The following PCGF3 variants were observed in gnomAD, a reference collection of about 807,000 sequenced individuals.
PCGF3 encodes the protein polycomb group ring finger 3.
In PCGF3, 7 loss-of-function variants were observed where a neutral mutation model predicts 33.1. That is an observed-to-expected ratio of 0.21 (90% CI 0.12 to 0.40). PCGF3 has a LOEUF of 0.40. PCGF3 is among the 10% of genes least tolerant of loss of function. The pLI is 1.00. For missense variants in PCGF3, 211 were observed against 313.3 expected, an observed-to-expected ratio of 0.67 and a Z score of 2.46; for synonymous variants, 153 against 121.3, an observed-to-expected ratio of 1.26 and a Z score of -1.72.
At chr4:761,727 A>T in intron 9 of PCGF3, 1 of 985,440 alleles carries the variant, frequency 1.0e-6, no homozygotes, top group Non-Finnish European at 1.2e-6. Context: ...TTAATTTCAC[A>T]AGGGGAGACA....
chr4:750,165 C>T (rs923547540), intron 8 of PCGF3, among the ~76,000 whole-genome samples: 1 of 152,238 alleles, frequency 6.6e-6, no homozygotes, highest in African/African-American at 2.4e-5. Context: ...TCCCTGCGGA[C>T]TTTGATGAAT....
At chr4:754,540 T>C (rs1489840285) in intron 8 of PCGF3, among the ~76,000 whole-genome samples, 1 of 151,938 alleles carries the variant, frequency 6.6e-6, no homozygotes, top group Non-Finnish European at 1.5e-5. Flanking sequence ...ACTGTAGAGG[T>C]GAGGCAGGAG....
chr4:718,514 C>A (rs1201194060), intron 1 of PCGF3, among the ~76,000 whole-genome samples: 3 of 152,236 alleles, frequency 2.0e-5, no homozygotes, highest in African/African-American at 2.4e-5. Context: ...TGATGTGCGC[C>A]TGTAATCCCA....
intron 8 of PCGF3, among the ~76,000 whole-genome samples, chr4:756,533 G>C (rs761340660): frequency 6.6e-6 from 1 of 152,094 alleles, no homozygotes; most frequent in Non-Finnish European, 1.5e-5. Context: ...CTCTAGAGTT[G>C]AACATTCCTT....
intron 6 of PCGF3, among the ~76,000 whole-genome samples, chr4:741,754 A>G (rs939037655): frequency 2.0e-5 from 3 of 152,110 alleles, no homozygotes; most frequent in Non-Finnish European, 2.9e-5. Flanking sequence ...GAGTGCTGCT[A>G]TTTTTAATCC....
chr4:750,883 C>T (rs1397269842), intron 8 of PCGF3, among the ~76,000 whole-genome samples: 1 of 151,968 alleles, frequency 6.6e-6, no homozygotes, highest in Non-Finnish European at 1.5e-5. Context: ...CGCTCTAACC[C>T]CCGATTCTCT....
chr4:736,613 C>T (rs1324385094), intron 5 of PCGF3, among the ~76,000 whole-genome samples: 2 of 113,048 alleles, frequency 1.8e-5, no homozygotes, highest in South Asian at 3.4e-4. Context: ...TCCGCAGGGA[C>T]GGTGTCCCCT....
Position 751,839 on chromosome 4 carries a change from C to T in PCGF3, c.462+7151C>T, listed in dbSNP as rs548338121. Among the ~76,000 whole-genome samples the T allele has an allele frequency of 2.7e-4, 41 of 152,166 alleles. 1 individual carries two copies. The highest frequency in any genetic ancestry group is 8.0e-4 in the African/African-American group (33 of 41,406). On this transcript the variant is annotated intron_variant, in intron 8 of 10. Transcript: ENST00000362003. ...GAGGCTCAGGGTGGCATCAGCCGGCCGCGCTGGCTTCACAGCCGACCTCTT... is the reference window on the plus strand; with the variant it reads ...GAGGCTCAGGGTGGCATCAGCCGGCTGCGCTGGCTTCACAGCCGACCTCTT...
chr4:711,248 A>C (rs1417002201), intron 1 of PCGF3, among the ~76,000 whole-genome samples: 1 of 152,128 alleles, frequency 6.6e-6, no homozygotes, highest in Non-Finnish European at 1.5e-5. Flanking sequence ...TCTGTGGCAA[A>C]ATCGAGGAGC....
Position 721,247 on chromosome 4 carries a change from G to T in PCGF3, c.-189-9383G>T, listed in dbSNP as rs932740828. Among the ~76,000 whole-genome samples, 9 of 152,218 alleles carry T rather than the reference G, an allele frequency of 5.9e-5. No individual in the cohort carries two copies. The highest frequency in any genetic ancestry group is 2.2e-4 in the African/African-American group (9 of 41,452). On this transcript the variant is annotated intron_variant, in intron 1 of 10. Transcript: ENST00000362003. This position sits in a 1 kb window ranked among gnomAD's most constrained non-coding sequence, Gnocchi z 4.1. ...TTCCACGGTGGCACAGGACACGCCTGCAGCTTTGTGCCTGTGAATCTCAGG... is the reference window on the plus strand; with the variant it reads ...TTCCACGGTGGCACAGGACACGCCTTCAGCTTTGTGCCTGTGAATCTCAGG...
At chr4:758,668 G>T (rs113511671) in intron 8 of PCGF3, among the ~76,000 whole-genome samples, 6,065 of 47,946 alleles carry the variant, frequency 0.13, 90 homozygotes, top group Non-Finnish European at 0.2. Context: ...CGGACTCCAG[G>T]TCTTTCTCCC....
chr4:738,837 C>T (rs973778352), intron 6 of PCGF3, among the ~76,000 whole-genome samples: 26 of 150,908 alleles, frequency 1.7e-4, no homozygotes, highest in African/African-American at 5.6e-4. Flanking sequence ...CCAGGCTGGG[C>T]GACAGAGCAA....
At chr4:750,257 A>C in intron 8 of PCGF3, among the ~76,000 whole-genome samples, 1 of 152,254 alleles carries the variant, frequency 6.6e-6, no homozygotes, top group Non-Finnish European at 1.5e-5. Flanking sequence ...GTTCTGAAAC[A>C]TTTGAGTAAC....
chr4:765,192 GGGAGGACGAGGCGGGC>G, intron 10 of PCGF3, 128 bp downstream of exon 10: 1 of 641,694 alleles, frequency 1.6e-6, no homozygotes, highest in Non-Finnish European at 2.8e-6. Context: ...CCAGCACTTT[GGGAGGACGAGGCGGGC>G]GGATCACGAG....
At chr4:755,014 G>A (rs1173823158) in intron 8 of PCGF3, among the ~76,000 whole-genome samples, 2 of 152,228 alleles carry the variant, frequency 1.3e-5, no homozygotes, top group African/African-American at 2.4e-5. Context: ...AGGCCGATGT[G>A]TAGCCATAGA....
chr4:761,398 C>G (rs34100269), exon 9 of PCGF3: 7 of 1,608,554 alleles, frequency 4.4e-6, no homozygotes, highest in Non-Finnish European at 5.9e-6. Context: ...AAAAACTCAA[C>G]CTTTCATCCT....
intron 8 of PCGF3, among the ~76,000 whole-genome samples, chr4:751,125 T>A (rs1045612867): frequency 6.6e-6 from 1 of 152,254 alleles, no homozygotes; most frequent in East Asian, 1.9e-4. Context: ...TTTGGGAATT[T>A]TGCATTCTCT....
chr4:723,508 G>C (rs1163015193), intron 1 of PCGF3: 1 of 162,534 alleles, frequency 6.2e-6, no homozygotes, highest in African/African-American at 2.4e-5. Context: ...AAGGAGGGAT[G>C]GGGCTCTGTG....
chr4:714,514 C>A (rs912757726), intron 1 of PCGF3, among the ~76,000 whole-genome samples: 1 of 152,228 alleles, frequency 6.6e-6, no homozygotes, highest in Non-Finnish European at 1.5e-5. Flanking sequence ...ACCTGATTTT[C>A]AGGCCGCCTT....
Sources: allele counts gnomAD v4.1 joint callset (sites outside exome capture counted in the v4.1 genomes callset), GRCh38; gene constraint gnomAD v4.1.1; non-coding constraint Gnocchi (gnomAD v3.1); transcripts MANE v1.5; gene names NCBI Gene and HGNC (gene_info 2026-07-23, HGNC 2026-07-21).